Variants in CDH18 observed in about 807,000 individuals in gnomAD.
CDH18 encodes cadherin 18, also known as cadherin-18.
A neutral mutation model predicts 67.9 loss-of-function variants in CDH18; 31 were observed. The ratio of observed to expected loss-of-function variants is 0.46; its 90% CI spans 0.34 to 0.62. The LOEUF (loss-of-function observed/expected upper bound fraction) is 0.62, where lower values mean the gene tolerates loss of function less well. Ranked by LOEUF, CDH18 falls within the 20% of genes least tolerant of loss-of-function variation. The pLI, the probability that CDH18 is intolerant of heterozygous loss-of-function variation, is 0.01. For synonymous variants in CDH18, 362 were observed against 347.2 expected (o/e 1.04, Z -0.48); for missense variants, 890 against 975.5 (o/e 0.91, Z 1.17).
rs113547545 is a variant in CDH18 at position 20,456,278 on chromosome 5, T to G, written c.-580+119184A>C. Among the ~76,000 whole-genome samples, 70 of 152,280 alleles carry G rather than the reference T, an allele frequency of 4.6e-4. 2 individuals carry two copies. Among genetic ancestry groups the G allele is most frequent in the African/African-American group, 1.5e-3 (61 of 41,584 alleles). The stretch of plus-strand genomic sequence containing the variant: ...GAGAAATAAATATGTCCTTATTTTT[T>G]GCATATTGCTGTACTCTAACATCAG... On this transcript the variant is annotated intron_variant, in intron 1 of 14. Transcript: ENST00000507958.
At chr5:20,441,636 C>A (rs962332035) in intron 1 of CDH18, among the ~76,000 whole-genome samples, 1 of 151,994 alleles carries the variant, frequency 6.6e-6, no homozygotes, top group Non-Finnish European at 1.5e-5. Context: ...GTTTAATTCT[C>A]TTAACTTTAG....
chr5:20,022,300 C>T (rs1386843074), intron 2 of CDH18, among the ~76,000 whole-genome samples: 1 of 152,130 alleles, frequency 6.6e-6, no homozygotes, highest in Admixed American at 6.6e-5. Flanking sequence ...AAGGAAGTAG[C>T]TGGTAAGGTT....
At chr5:19,632,904 T>A (rs1411030166) in intron 5 of CDH18, among the ~76,000 whole-genome samples, 1 of 152,148 alleles carries the variant, frequency 6.6e-6, no homozygotes, top group Non-Finnish European at 1.5e-5. Flanking sequence ...CTTGTTTGTA[T>A]ACTCCAACTA....
At chr5:19,962,076 T>C (rs192471026) in intron 2 of CDH18, among the ~76,000 whole-genome samples, 23 of 152,132 alleles carry the variant, frequency 1.5e-4, no homozygotes, top group African/African-American at 5.3e-4. Context: ...TTATTTTGTT[T>C]GAAGAAATAG....
chr5:19,933,651 T>C (rs1164682511), intron 2 of CDH18, among the ~76,000 whole-genome samples: 2 of 151,526 alleles, frequency 1.3e-5, no homozygotes, highest in Non-Finnish European at 3.0e-5. Flanking sequence ...TTCAATCCAA[T>C]AGTTAATTTT....
chr5:19,628,924 G>T (rs1035412286), intron 5 of CDH18, among the ~76,000 whole-genome samples: 7 of 142,028 alleles, frequency 4.9e-5, no homozygotes, highest in South Asian at 4.5e-4. Flanking sequence ...CATTCAGAAA[G>T]AAAAAAAAAA....
chr5:20,160,285 T>C (rs1264306782), intron 2 of CDH18, among the ~76,000 whole-genome samples: 2 of 152,240 alleles, frequency 1.3e-5, no homozygotes, highest in South Asian at 4.1e-4. Flanking sequence ...TATAGCATTA[T>C]ATCTGCCTGA....
chr5:19,931,447 A>T (rs1407621706), intron 2 of CDH18, among the ~76,000 whole-genome samples: 1 of 151,894 alleles, frequency 6.6e-6, no homozygotes, highest in Non-Finnish European at 1.5e-5. Flanking sequence ...TTTTCCCTGT[A>T]ATGTGGTTAA....
chr5:19,861,939 T>G (rs1376818773), intron 2 of CDH18, among the ~76,000 whole-genome samples: 2 of 152,146 alleles, frequency 1.3e-5, no homozygotes, highest in Non-Finnish European at 2.9e-5. Flanking sequence ...TCAGAAACAG[T>G]TCTGGCTGGA....
intron 7 of CDH18, among the ~76,000 whole-genome samples, chr5:19,573,100 A>T (rs1367692509): frequency 6.6e-6 from 1 of 152,190 alleles, no homozygotes; most frequent in Non-Finnish European, 1.5e-5. Flanking sequence ...TTTATATCTT[A>T]AAAAATTCAA....
At chr5:19,582,491 G>A (rs905422265) in intron 7 of CDH18, among the ~76,000 whole-genome samples, 22 of 151,910 alleles carry the variant, frequency 1.4e-4, no homozygotes, top group Non-Finnish European at 2.8e-4. Context: ...TAGCGTTTCC[G>A]TGTCAAAGTC....
intron 2 of CDH18, among the ~76,000 whole-genome samples, chr5:20,239,825 G>C (rs185063873): frequency 6.6e-6 from 1 of 151,834 alleles, no homozygotes; most frequent in Admixed American, 6.6e-5. Flanking sequence ...GTTTAATTAA[G>C]AGTCTCCTGG....
intron 2 of CDH18, among the ~76,000 whole-genome samples, chr5:20,123,158 T>C (rs1455731003): frequency 6.6e-6 from 1 of 151,964 alleles, no homozygotes; most frequent in Non-Finnish European, 1.5e-5. Flanking sequence ...TCCAGCCTAC[T>C]GTAGTGTCAT....
At chr5:19,706,198 A>G (rs180798775) in intron 5 of CDH18, among the ~76,000 whole-genome samples, 105 of 152,324 alleles carry the variant, frequency 6.9e-4, no homozygotes, top group African/African-American at 2.4e-3. Flanking sequence ...AACTTTGTTT[A>G]CCCAATTGCA....
At chr5:20,480,450 C>T (rs190737087) in intron 1 of CDH18, among the ~76,000 whole-genome samples, 194 of 152,232 alleles carry the variant, frequency 1.3e-3, no homozygotes, top group African/African-American at 4.4e-3. Flanking sequence ...GACAGTCTCA[C>T]TCTGTTGCCC....
intron 2 of CDH18, among the ~76,000 whole-genome samples, chr5:19,918,609 T>C (rs761921758): frequency 6.6e-6 from 1 of 152,098 alleles, no homozygotes; most frequent in Non-Finnish European, 1.5e-5. Context: ...TCAACAAAAA[T>C]GAACCGCAAT....
At chr5:19,502,610 A>G in intron 11 of CDH18, 1 of 392,372 alleles carries the variant, frequency 2.5e-6, no homozygotes. Context: ...AGATGATTGC[A>G]AGCATTGCAT....
At chr5:19,704,739 T>C (rs1478571905) in intron 5 of CDH18, among the ~76,000 whole-genome samples, 1 of 152,142 alleles carries the variant, frequency 6.6e-6, no homozygotes, top group Non-Finnish European at 1.5e-5. Flanking sequence ...TACTGAACAA[T>C]TAGAAAAAGG....
chr5:19,687,048 C>T (rs1010546368), intron 5 of CDH18, among the ~76,000 whole-genome samples: 2 of 152,084 alleles, frequency 1.3e-5, no homozygotes, highest in Admixed American at 1.3e-4. Flanking sequence ...ACAGGAAGCA[C>T]CTGAGACACT....
Sources: gnomAD v4.1 joint callset for allele counts (sites outside exome capture counted in the v4.1 genomes callset) on GRCh38, gnomAD v4.1.1 for gene constraint, MANE v1.5 for transcripts, NCBI Gene and HGNC (gene_info 2026-07-23, HGNC 2026-07-21) for gene names.